Variants in BCAS3 observed in about 807,000 individuals in gnomAD.
BCAS3 encodes the protein BCAS4/BCAS3 fusion.
BCAS3 carries 53 observed loss-of-function variants against 116.1 expected under a neutral mutation model. The ratio of observed to expected loss-of-function variants is 0.46; its 90% CI spans 0.37 to 0.57. The LOEUF is 0.57. Among genes scored for constraint, BCAS3 ranks in the 20% least tolerant of loss-of-function variants. BCAS3 has a pLI of 0.00. For missense variants in BCAS3, 917 were observed against 1,165.4 expected, an observed-to-expected ratio of 0.79 and a Z score of 3.10; for synonymous variants, 391 against 408.2, an observed-to-expected ratio of 0.96 and a Z score of 0.51.
intron 14 of BCAS3, among the ~76,000 whole-genome samples, chr17:60,988,351 T>TC (rs2063309498): frequency 6.9e-6 from 1 of 144,724 alleles, no homozygotes; most frequent in African/African-American, 2.6e-5. Context: ...TTTTTTTTTT[T>TC]TTTTTTTTTA....
At chr17:61,002,134 T>C (rs2064284943) in intron 15 of BCAS3, among the ~76,000 whole-genome samples, 2 of 152,158 alleles carry the variant, frequency 1.3e-5, no homozygotes, top group Non-Finnish European at 2.9e-5. Context: ...CCTGATATTA[T>C]ATTGCCTCTA....
intron 22 of BCAS3, among the ~76,000 whole-genome samples, chr17:61,182,783 C>G (rs1009631256): frequency 6.6e-6 from 1 of 152,224 alleles, no homozygotes; most frequent in African/African-American, 2.4e-5. Context: ...GGCTGGCTTG[C>G]TGGCCTAATG....
chr17:61,045,865 A>ATTATATATATT (rs757031336), intron 19 of BCAS3, among the ~76,000 whole-genome samples: 1 of 3,962 alleles, frequency 2.5e-4, no homozygotes, highest in African/African-American at 8.8e-4. Flanking sequence ...ATATATATAT[A>ATTATATATATT]AATATATATA....
chr17:60,738,673 T>C (rs1420559366), intron 5 of BCAS3, among the ~76,000 whole-genome samples: 2 of 151,474 alleles, frequency 1.3e-5, no homozygotes, highest in Non-Finnish European at 2.9e-5. Context: ...GTTTGACATA[T>C]TTAATTGATG....
At chr17:61,267,700 C>CT (rs2049863220) in intron 22 of BCAS3, among the ~76,000 whole-genome samples, 1 of 144,526 alleles carries the variant, frequency 6.9e-6, no homozygotes, top group Admixed American at 7.0e-5. Flanking sequence ...CCAGCCTGGG[C>CT]GACAGAGCAA....
rs532753790 is a variant in BCAS3, at chr17:61,377,604, C to T, written c.2593+9110C>T. 6.6e-6 allele frequency among the ~76,000 whole-genome samples: 1 copy of T among 152,290 alleles called. No individual in the cohort carries two copies. The highest frequency in any genetic ancestry group is 2.4e-5 in the African/African-American group (1 of 41,574). ...TCTGGGCCAGTTTCTTCCTCTGTGA[C>T]ACAGTGTGGGGAGGAGGAGCTAGTA... On this transcript the variant is annotated intron_variant, in intron 23 of 23. Transcript: ENST00000407086. This position sits in a 1 kb window ranked among gnomAD's most constrained non-coding sequence, Gnocchi z 4.6.
intron 19 of BCAS3, among the ~76,000 whole-genome samples, chr17:61,063,000 G>A (rs971884749): frequency 7.2e-5 from 11 of 152,076 alleles, no homozygotes; most frequent in Non-Finnish European, 1.0e-4. Context: ...GCTTTCCCGG[G>A]CATTTTCCCA....
At chr17:61,386,778 TTTTTG>T (rs1338796503) in intron 23 of BCAS3, among the ~76,000 whole-genome samples, 3 of 132,218 alleles carry the variant, frequency 2.3e-5, no homozygotes, top group East Asian at 2.2e-4. Flanking sequence ...TTACTGTTTT[TTTTTG>T]TTTTTGTTTT....
rs1249823225 is a variant in BCAS3 at position 61,068,992 on chromosome 17, A to G, written c.2030-5928A>G. Among the ~76,000 whole-genome samples, 1 of 152,196 alleles carries G rather than the reference A, an allele frequency of 6.6e-6. No homozygotes were observed. The highest frequency in any genetic ancestry group is 1.5e-5 in the Non-Finnish European group (1 of 68,042). On this transcript the variant is annotated intron_variant, in intron 19 of 23. Coordinates refer to ENST00000407086, the MANE Select transcript of BCAS3 (RefSeq NM_017679.5). This position sits in a 1 kb window ranked among gnomAD's most constrained non-coding sequence, Gnocchi z 4.3. ...AAATGCAAGTGGTGAAATAAAATGG[A>G]TAGACTTTGTCAGAGGAGCAAAAGA...
chr17:60,693,710 G>A (rs2035185785), intron 4 of BCAS3, among the ~76,000 whole-genome samples: 1 of 151,460 alleles, frequency 6.6e-6, no homozygotes, highest in Non-Finnish European at 1.5e-5. Context: ...ACTATGCCCG[G>A]CATGGCCAGT....
At chr17:60,778,251 C>T (rs548972250) in intron 6 of BCAS3, among the ~76,000 whole-genome samples, 7 of 151,924 alleles carry the variant, frequency 4.6e-5, no homozygotes, top group East Asian at 3.9e-4. Flanking sequence ...TGGTCTTTAG[C>T]GTCTCTTGTC....
rs2076855812 is a variant in BCAS3, at chr17:61,140,398, TGGG to T, written c.2425+55835_2425+55837del. Among the ~76,000 whole-genome samples, 2 of 152,124 alleles carry T rather than the reference TGGG, an allele frequency of 1.3e-5. No homozygotes were observed. Among genetic ancestry groups the T allele is most frequent in the African/African-American group, 4.8e-5 (2 of 41,426 alleles). On this transcript the variant is annotated intron_variant, in intron 22 of 23. Coordinates refer to ENST00000407086, the MANE Select transcript of BCAS3 (RefSeq NM_017679.5). This position sits in a 1 kb window ranked among gnomAD's most constrained non-coding sequence, Gnocchi z 4.2. ...CCAGACTCTGAAAGTAGAGTGCTGGTGGGAGATGTGGAACAGGGGACAAGAGAT... is the reference window on the plus strand; with the variant it reads ...CCAGACTCTGAAAGTAGAGTGCTGGTAGATGTGGAACAGGGGACAAGAGAT...
Position 61,171,295 on chromosome 17 carries a change from G to A in BCAS3, c.2425+86731G>A, listed in dbSNP as rs2078826463. On this transcript the variant is annotated intron_variant, in intron 22 of 23. Transcript: ENST00000407086. This position sits in a 1 kb window ranked among gnomAD's most constrained non-coding sequence, Gnocchi z 4.1. Reference sequence around the variant, plus strand: ...AAAGTAACATAGGTGTAGCTAATCAGTTAACAAATGAGATAAAAATGGCAT... The same window carrying A: ...AAAGTAACATAGGTGTAGCTAATCAATTAACAAATGAGATAAAAATGGCAT... Among the ~76,000 whole-genome samples the A allele has an allele frequency of 6.6e-6, 1 of 152,046 alleles. No homozygotes were observed. The highest frequency in any genetic ancestry group is 2.4e-5 in the African/African-American group (1 of 41,380).
chr17:60,977,404 C>T (rs1168291300), intron 14 of BCAS3, among the ~76,000 whole-genome samples: 1 of 152,028 alleles, frequency 6.6e-6, no homozygotes, highest in Non-Finnish European at 1.5e-5. Context: ...GCTTATCTCT[C>T]TGGCTTCAGG....
intron 22 of BCAS3, among the ~76,000 whole-genome samples, chr17:61,242,687 C>A (rs567248169): frequency 7.9e-5 from 12 of 152,276 alleles, no homozygotes; most frequent in Middle Eastern, 3.4e-3. Flanking sequence ...TATCTTCTAC[C>A]AGTCAGCCTT....
intron 12 of BCAS3, among the ~76,000 whole-genome samples, chr17:60,922,092 A>T (rs910059966): frequency 2.6e-5 from 4 of 152,170 alleles, no homozygotes; most frequent in African/African-American, 9.6e-5. Context: ...CACTAAAAAC[A>T]TTGAACAAAA....
chr17:60,837,820 GT>G (rs1040969446), intron 7 of BCAS3, among the ~76,000 whole-genome samples: 25 of 151,810 alleles, frequency 1.6e-4, no homozygotes, highest in African/African-American at 6.0e-4. Context: ...CTTGGCTAAT[GT>G]TTGTATTTTT....
At position 61,325,365 on chromosome 17, in the gene BCAS3, C is replaced by A. The variant is rs973277118; in HGVS notation, c.2426-42962C>A. On this transcript the variant is annotated intron_variant, in intron 22 of 23. Transcript: ENST00000407086. This position sits in a 1 kb window ranked among gnomAD's most constrained non-coding sequence, Gnocchi z 6.4. ...ACATACTCGGCGTGGCCTCTCCCCA[C>A]CCTGCCCTGAACAGTTATTAGGGCT... is the stretch of plus-strand genomic sequence containing the variant. 6.6e-6 allele frequency among the ~76,000 whole-genome samples: 1 copy of A among 152,316 alleles called. No homozygotes were observed.
Position 61,391,896 on chromosome 17 carries a change from G to A in BCAS3, c.2594-81G>A, listed in dbSNP as rs983084361. On this transcript the variant is annotated intron_variant, in intron 23 of 23. Transcript: ENST00000407086. The surrounding 1 kb of genome is among the most constrained non-coding windows in gnomAD (Gnocchi z 7.7). ...AAGTGAACCCAGAATGGTGCCTCAA[G>A]GCAGGCAGCCTGGCCCAGATGGTGC... 1.2e-5 allele frequency: 18 copies of A among 1,499,398 alleles called. No homozygotes were observed. The highest frequency in any genetic ancestry group is 1.6e-5 in the Non-Finnish European group (18 of 1,105,378). The allele number at this position is 1,499,398 out of a possible 1,614,324, so 92.9% of individuals were successfully genotyped here.
Sources: allele counts gnomAD v4.1 joint callset (sites outside exome capture counted in the v4.1 genomes callset), GRCh38; gene constraint gnomAD v4.1.1; non-coding constraint Gnocchi (gnomAD v3.1); transcripts MANE v1.5; gene names NCBI Gene and HGNC (gene_info 2026-07-23, HGNC 2026-07-21).